Variants in ZNF333 observed in about 807,000 individuals in gnomAD.
ZNF333 encodes the protein zinc finger protein 333.
ZNF333 carries 61 observed loss-of-function variants against 76.1 expected under a neutral mutation model. The ratio of observed to expected loss-of-function variants is 0.80; its 90% CI spans 0.65 to 0.99. The LOEUF (loss-of-function observed/expected upper bound fraction) is 0.99. ZNF333 is among the 50% of genes least tolerant of loss of function. The pLI is 0.00. For missense variants in ZNF333, 717 were observed against 822.4 expected, an observed-to-expected ratio of 0.87 and a Z score of 1.57; for synonymous variants, 284 against 305.0, an observed-to-expected ratio of 0.93 and a Z score of 0.72.
chr19:14,717,911 T>G (rs2042482124), intron 11 of ZNF333, among the ~76,000 whole-genome samples, 178 bp downstream of exon 11: 1 of 152,226 alleles, frequency 6.6e-6, no homozygotes, highest in South Asian at 2.1e-4. Flanking sequence ...GAAAACTAAA[T>G]GTAGATCATG....
rs1456625073 is a variant in ZNF333 at position 14,721,361 on chromosome 19, C to T, written c.*2036C>T. Reference sequence around the variant, plus strand: ...ATAAACGTTAATAAATCTTAGGGTACACCTTGGTGAATTTTGTATATGTCT... The same window carrying T: ...ATAAACGTTAATAAATCTTAGGGTATACCTTGGTGAATTTTGTATATGTCT... On this transcript the variant is annotated 3_prime_UTR_variant, in exon 12 of 12. Coordinates refer to ENST00000292530, the MANE Select transcript of ZNF333 (RefSeq NM_032433.4). 1 of 137,770 alleles carries T rather than the reference C, an allele frequency of 7.3e-6. No individual in the cohort carries two copies. The highest frequency in any genetic ancestry group is 1.5e-5 in the Non-Finnish European group (1 of 65,344). The allele number at this position is 137,770 out of a possible 1,614,324, so 8.5% of individuals were successfully genotyped here.
chr19:14,699,433 G>C, intron 5 of ZNF333, 152 bp downstream of exon 5: 1 of 645,990 alleles, frequency 1.5e-6, no homozygotes, highest in Non-Finnish European at 2.7e-6. Context: ...TGTGACTTCT[G>C]AATTTGGGCA....
At chr19:14,705,700 C>G (rs537573907) in intron 6 of ZNF333, among the ~76,000 whole-genome samples, 47 of 152,354 alleles carry the variant, frequency 3.1e-4, no homozygotes, top group Middle Eastern at 3.4e-3. Flanking sequence ...AGGAGGTGAG[C>G]GGCGAGCATC....
intron 11 of ZNF333, among the ~76,000 whole-genome samples, chr19:14,730,502 C>T (rs1033407858): frequency 1.3e-5 from 2 of 151,530 alleles, no homozygotes; most frequent in Admixed American, 6.6e-5. Flanking sequence ...CTTTTCCTTT[C>T]TCTATCTCCT....
chr19:14,693,589 C>T, intron 2 of ZNF333, 95 bp downstream of exon 2: 1 of 1,423,860 alleles, frequency 7.0e-7, no homozygotes, highest in Non-Finnish European at 9.6e-7. Context: ...CTTCCGTCCC[C>T]AACTGAGGAA....
At chr19:14,730,242 A>G (rs2042658936) in intron 11 of ZNF333, among the ~76,000 whole-genome samples, 1 of 151,976 alleles carries the variant, frequency 6.6e-6, no homozygotes, top group Admixed American at 6.6e-5. Flanking sequence ...TTTAGTAGAG[A>G]TGGGGTTTCA....
rs1190096866 is a variant in ZNF333, at chr19:14,719,629, A to G, written c.*304A>G. The G allele has an allele frequency of 8.9e-7, 1 of 1,121,342 alleles. No individual in the cohort carries two copies. Among genetic ancestry groups the G allele is most frequent in the East Asian group, 5.4e-5 (1 of 18,398 alleles). 69.5% of individuals were successfully genotyped at this position (1,121,342 alleles called of 1,614,324 possible). A position where few individuals can be genotyped will look rare whatever the true frequency, so the allele number is the denominator to read the frequency against. On this transcript the variant is annotated 3_prime_UTR_variant, in exon 12 of 12. Transcript: ENST00000292530. ...GCATGTAACCACCACCCCATTCCAG[A>G]TATAGAATGTTTCTATCTCTCTGGA...
At chr19:14,699,336 G>A (rs1599701839) in intron 5 of ZNF333, 55 bp downstream of exon 5, 5 of 1,490,432 alleles carry the variant, frequency 3.4e-6, no homozygotes, top group East Asian at 4.5e-5. Context: ...TGAGGAACAC[G>A]TGAGGTGGAA....
chr19:14,706,550 A>G, intron 6 of ZNF333, 136 bp from the exon 7 acceptor site: 1 of 739,172 alleles, frequency 1.4e-6, no homozygotes. Context: ...CTGACAAGGT[A>G]AATGGGTCTC....
At chr19:14,728,642 G>C (rs980092067) in intron 11 of ZNF333, among the ~76,000 whole-genome samples, 1 of 152,166 alleles carries the variant, frequency 6.6e-6, no homozygotes, top group African/African-American at 2.4e-5. Flanking sequence ...GACCTATGAC[G>C]ACAATGGAAA....
At chr19:14,693,115 A>G (rs1038680031) in intron 1 of ZNF333, among the ~76,000 whole-genome samples, 3 of 152,238 alleles carry the variant, frequency 2.0e-5, no homozygotes, top group Non-Finnish European at 4.4e-5. Context: ...GACTCAAAAA[A>G]AAAGGTTTAC....
downstream of ZNF333, among the ~76,000 whole-genome samples, chr19:14,726,117 C>G (rs540244924): frequency 4.6e-5 from 7 of 152,324 alleles, no homozygotes; most frequent in Non-Finnish European, 1.0e-4. Flanking sequence ...TTAATACTAC[C>G]TGGAACCACC....
At chr19:14,728,111 G>T (rs1030944499) in intron 11 of ZNF333, among the ~76,000 whole-genome samples, 4 of 152,206 alleles carry the variant, frequency 2.6e-5, no homozygotes, top group Non-Finnish European at 4.4e-5. Flanking sequence ...TACTCGGGAG[G>T]CTGAGGCAGG....
exon 12 of ZNF333, chr19:14,732,957 C>T (rs571486420): frequency 1.3e-5 from 2 of 152,282 alleles, no homozygotes; most frequent in South Asian, 4.1e-4. Context: ...ATTTGGCGAC[C>T]CCTGCTCTAG....
At chr19:14,727,693 G>A (rs1040803678) in intron 11 of ZNF333, among the ~76,000 whole-genome samples, 2 of 151,606 alleles carry the variant, frequency 1.3e-5, no homozygotes, top group Non-Finnish European at 2.9e-5. Context: ...ACTATATCAT[G>A]TACCTATTAG....
intron 4 of ZNF333, among the ~76,000 whole-genome samples, chr19:14,698,730 A>G (rs1973419044): frequency 6.7e-6 from 1 of 150,274 alleles, no homozygotes; most frequent in Non-Finnish European, 1.5e-5. Flanking sequence ...AATCCCAACT[A>G]CTTGGGAGGC....
chr19:14,699,245 T>A lies in ZNF333; in HGVS notation c.270T>A (p.Asp90Glu). ...CCGAAGAGTTGCCTTCTATGCAGGA[T>A]CTTTTGGAAGAAGCATCCTCCAGGG... is the stretch of plus-strand genomic sequence containing the variant. The part of the protein sequence containing the change: ...LKPEELPSMQ[D>E]LLEEASSRDM... Residue 90 changes from aspartate to glutamate, a missense_variant, in exon 5 of 12, where the codon GAT becomes GAA. Physicochemically the swap from Asp to Glu is conservative, Grantham distance 45 (BLOSUM62 2). Coordinates refer to ENST00000292530, the MANE Select transcript of ZNF333 (RefSeq NM_032433.4). 1 of 1,613,950 alleles carries A rather than the reference T, an allele frequency of 6.2e-7. No individual in the cohort carries two copies. Among genetic ancestry groups the A allele is most frequent in the Non-Finnish European group, 8.5e-7 (1 of 1,179,944 alleles).
rs767111930 is a variant in ZNF333 at position 14,695,636 on chromosome 19, A to G, written c.198A>G (p.Arg66=). Residue 66 remains arginine, a synonymous_variant, in exon 4 of 12, where the codon CGA becomes CGG. Transcript: ENST00000292530. ...GAGCAGAGCCAAAGGCAACAGAACG[A>G]GGGATTCTCCGTGCCACAGGTGTTG... The part of the protein sequence containing the change: ...GQRAEPKATE[R]GILRATGVAW... 2.9e-5 allele frequency: 47 copies of G among 1,614,032 alleles called. No individual in the cohort carries two copies. The East Asian group carries it at 4.0e-4, about 14-fold the overall frequency.
At chr19:14,727,453 GCACAT>G (rs2147044206) in intron 11 of ZNF333, among the ~76,000 whole-genome samples, 1 of 152,298 alleles carries the variant, frequency 6.6e-6, no homozygotes, top group Admixed American at 6.5e-5. Flanking sequence ...GCGGGAGCAG[GCACAT>G]CACATAGTGA....
Sources: gnomAD v4.1 joint callset for allele counts (sites outside exome capture counted in the v4.1 genomes callset) on GRCh38, gnomAD v4.1.1 for gene constraint, MANE v1.5 for transcripts, NCBI Gene and HGNC (gene_info 2026-07-23, HGNC 2026-07-21) for gene names.